SLC28A3: variants seen among roughly 807,000 people sequenced by gnomAD.
SLC28A3 encodes concentrative Na(+)-nucleoside cotransporter 3.
SLC28A3 carries 68 observed loss-of-function variants against 84.2 expected under a neutral mutation model. The observed-to-expected ratio is 0.81, with a 90% CI of 0.66 to 0.99. SLC28A3 has a LOEUF of 0.99. Ranked by LOEUF, SLC28A3 falls within the 50% of genes least tolerant of loss-of-function variation. The pLI is 0.00. For synonymous variants in SLC28A3, 267 were observed against 303.6 expected, an observed-to-expected ratio of 0.88 and a Z score of 1.25; for missense variants, 712 against 841.5, an observed-to-expected ratio of 0.85 and a Z score of 1.90.
rs146306203 is a variant in SLC28A3, at chr9:84,313,687, G to A, written c.61-233C>T. On this transcript the variant is annotated intron_variant, in intron 1 of 17. Transcript: ENST00000376238. ...CCCAGCATGATGGGAGGCCGAAGTG[G>A]GAGGGGAGACCAGCCTGGGCAAAAT... Among the ~76,000 whole-genome samples the A allele has an allele frequency of 2.5e-3, 386 of 152,048 alleles. 2 individuals are homozygous for A. The highest frequency in any genetic ancestry group is 5.1e-3 in the Admixed American group (78 of 15,264).
At chr9:84,360,480 A>T in the SLC28A3 span, among the ~76,000 whole-genome samples, 2 of 152,006 alleles carry the variant, frequency 1.3e-5, no homozygotes, top group Non-Finnish European at 2.9e-5. Flanking sequence ...TGTTGAGAAG[A>T]TAATTGGAAT....
At chr9:84,308,115 C>G (rs934045112) in intron 3 of SLC28A3, among the ~76,000 whole-genome samples, 1 of 152,204 alleles carries the variant, frequency 6.6e-6, no homozygotes, top group African/African-American at 2.4e-5. Flanking sequence ...CAAAGTTCCT[C>G]CTGTAGTCCC....
At chr9:84,363,058 C>T in the SLC28A3 span, among the ~76,000 whole-genome samples, 103 of 152,176 alleles carry the variant, frequency 6.8e-4, no homozygotes, top group Non-Finnish European at 1.2e-3. Flanking sequence ...GCTTTATTTA[C>T]GAATGAAAGA....
chr9:84,344,485 G>A (rs980239413), upstream of SLC28A3, among the ~76,000 whole-genome samples: 10 of 151,992 alleles, frequency 6.6e-5, no homozygotes, highest in South Asian at 2.1e-4. Flanking sequence ...CACCGCACCC[G>A]GCCCAGATGG....
chr9:84,289,529 C>T lies in SLC28A3; in HGVS notation c.1149+625G>A, dbSNP rs117896666. On this transcript the variant is annotated intron_variant, in intron 11 of 17. Coordinates refer to ENST00000376238, the MANE Select transcript of SLC28A3 (RefSeq NM_001199633.2). ...AAAAATATTGATGGCTGGGTCTCAT[C>T]CCAAGGAACTGTAGTTTAATTACTC... 3.8e-3 allele frequency among the ~76,000 whole-genome samples: 582 copies of T among 152,304 alleles called. 3 individuals carry two copies. Among genetic ancestry groups the T allele is most frequent in the Non-Finnish European group, 6.9e-3 (467 of 68,026 alleles).
intron 1 of SLC28A3, among the ~76,000 whole-genome samples, chr9:84,314,949 T>C (rs1351539366): frequency 6.6e-6 from 1 of 152,074 alleles, no homozygotes; most frequent in African/African-American, 2.4e-5. Context: ...TGGTGGCAGG[T>C]GCTTGTAATC....
chr9:84,331,260 T>C (rs1231740377), intron 1 of SLC28A3, among the ~76,000 whole-genome samples: 1 of 152,182 alleles, frequency 6.6e-6, no homozygotes, highest in Admixed American at 6.5e-5. Context: ...TTTAATTGAA[T>C]ATAGGAAGCT....
the SLC28A3 span, among the ~76,000 whole-genome samples, chr9:84,368,126 A>G: frequency 6.6e-6 from 1 of 152,172 alleles, no homozygotes; most frequent in Admixed American, 6.6e-5. Flanking sequence ...TTTCTTGGGC[A>G]GAGGTCCCTG....
chr9:84,284,388 C>CTGTT (rs1460465315), intron 14 of SLC28A3, among the ~76,000 whole-genome samples: 1 of 152,146 alleles, frequency 6.6e-6, no homozygotes, highest in Non-Finnish European at 1.5e-5. Context: ...CAGGAGTGGG[C>CTGTT]TGTTATATTG....
chr9:84,357,419 C>T, the SLC28A3 span, among the ~76,000 whole-genome samples: 1 of 152,000 alleles, frequency 6.6e-6, no homozygotes, highest in Non-Finnish European at 1.5e-5. Context: ...TCACTTGACA[C>T]AGCAAGGTCA....
At chr9:84,327,247 A>G (rs2118552402) in intron 1 of SLC28A3, among the ~76,000 whole-genome samples, 1 of 150,354 alleles carries the variant, frequency 6.7e-6, no homozygotes, top group East Asian at 2.0e-4. Context: ...AATCTTGAAA[A>G]CCTCGGCTCT....
At chr9:84,313,998 T>G (rs923806016) in intron 1 of SLC28A3, among the ~76,000 whole-genome samples, 32 of 152,110 alleles carry the variant, frequency 2.1e-4, no homozygotes, top group Non-Finnish European at 4.4e-4. Context: ...CTCGGCCTGA[T>G]AACTTTCCAA....
chr9:84,339,217 A>C (rs4877851), intron 1 of SLC28A3, among the ~76,000 whole-genome samples: 41,243 of 151,894 alleles, frequency 0.27, 8,508 homozygotes, highest in African/African-American at 0.58. Context: ...CGTTTCTTTT[A>C]TGTGAGGCTC....
In SLC28A3 at chr9:84,285,507, G is replaced by A. The variant is rs1375008789; in HGVS notation, c.1485C>T (p.Phe495=). 6.2e-7 allele frequency: 1 copy of A among 1,614,146 alleles called. No homozygotes were observed. The highest frequency in any genetic ancestry group is 8.5e-7 in the Non-Finnish European group (1 of 1,180,016). Residue 495 remains phenylalanine (F), a synonymous_variant, in exon 14 of 18, where the codon TTC becomes TTT. Coordinates refer to ENST00000376238, the MANE Select transcript of SLC28A3 (RefSeq NM_001199633.2). ...ICSYIFMPFS[F]MMGVEWQDSF... is the part of the protein sequence containing the mutation. ...TGTCCTGCCATTCCACTCCCATCAT[G>A]AAGGAAAAGGGCATGAAGATGTAGG... is the stretch of plus-strand genomic sequence containing the variant.
intron 1 of SLC28A3, among the ~76,000 whole-genome samples, chr9:84,335,440 C>T (rs1296617898): frequency 6.6e-6 from 1 of 152,134 alleles, no homozygotes; most frequent in Admixed American, 6.5e-5. Context: ...CCCAGCTACT[C>T]AGGAGGCTGA....
chr9:84,331,329 C>T (rs912129270), intron 1 of SLC28A3, among the ~76,000 whole-genome samples: 1 of 152,152 alleles, frequency 6.6e-6, no homozygotes, highest in Non-Finnish European at 1.5e-5. Flanking sequence ...ATATTGACTT[C>T]CCAGGCTAGT....
At chr9:84,353,742 T>C in the SLC28A3 span, among the ~76,000 whole-genome samples, 1 of 152,088 alleles carries the variant, frequency 6.6e-6, no homozygotes, top group Admixed American at 6.6e-5. Context: ...AAAAGAACTA[T>C]GTCCTACACA....
chr9:84,364,922 T>C, the SLC28A3 span, among the ~76,000 whole-genome samples: 1 of 152,244 alleles, frequency 6.6e-6, no homozygotes, highest in African/African-American at 2.4e-5. Context: ...ATTCATCTGT[T>C]GATGGACACT....
At chr9:84,318,296 T>TTACC (rs1186835338) in intron 1 of SLC28A3, among the ~76,000 whole-genome samples, 13 of 152,252 alleles carry the variant, frequency 8.5e-5, no homozygotes, top group African/African-American at 3.1e-4. Flanking sequence ...GGGCTCACTG[T>TTACC]TACCTTTCAA....
Sources: gnomAD v4.1 joint callset for allele counts (sites outside exome capture counted in the v4.1 genomes callset) on GRCh38, gnomAD v4.1.1 for gene constraint, MANE v1.5 for transcripts, NCBI Gene and HGNC (gene_info 2026-07-23, HGNC 2026-07-21) for gene names.